Variants in CNRIP1 observed in about 807,000 individuals in gnomAD.
CNRIP1 encodes the protein cannabinoid receptor interacting protein 1.
Under a neutral mutation model 15.2 loss-of-function variants are expected in CNRIP1, and 10 were observed. The observed-to-expected ratio is 0.66, with a 90% CI of 0.41 to 1.12. The LOEUF (loss-of-function observed/expected upper bound fraction) is 1.12, where lower values mean the gene tolerates loss of function less well. CNRIP1 is among the 50% of genes most tolerant of loss of function. The probability of loss-of-function intolerance (pLI) is 0.00; values close to 1 mark genes in which losing one functional copy is unlikely to be tolerated. For synonymous variants in CNRIP1, 91 were observed against 83.2 expected (o/e 1.09, Z -0.51); for missense variants, 211 against 214.7 (o/e 0.98, Z 0.11).
At chr2:68,303,937 G>A (rs544989038) in intron 2 of CNRIP1, among the ~76,000 whole-genome samples, 31 of 152,166 alleles carry the variant, frequency 2.0e-4, no homozygotes, top group African/African-American at 6.7e-4. Context: ...AATTAGCTGG[G>A]TATGGTGGTG....
At chr2:68,298,652 G>C (rs1671478641) in intron 2 of CNRIP1, among the ~76,000 whole-genome samples, 1 of 152,132 alleles carries the variant, frequency 6.6e-6, no homozygotes, top group African/African-American at 2.4e-5. Flanking sequence ...TATTAATGTG[G>C]GACCTAAGGT....
intron 2 of CNRIP1, among the ~76,000 whole-genome samples, chr2:68,311,782 A>AGG (rs1672084358): frequency 2.3e-4 from 34 of 148,054 alleles, no homozygotes; most frequent in Non-Finnish European, 3.4e-4. Flanking sequence ...CTCCGGGGAA[A>AGG]AAAAAAAAAA....
chr2:68,306,446 C>G (rs1352490695), intron 2 of CNRIP1, among the ~76,000 whole-genome samples: 4 of 152,032 alleles, frequency 2.6e-5, no homozygotes, highest in African/African-American at 7.2e-5. Context: ...ATTCCACTAT[C>G]TAATCTCTAA....
Position 68,293,778 on chromosome 2 carries a change from G to A in CNRIP1, c.*84C>T. 6.5e-7 allele frequency: 1 copy of A among 1,546,712 alleles called. No homozygotes were observed. Among genetic ancestry groups the A allele is most frequent in the Non-Finnish European group, 8.7e-7 (1 of 1,143,098 alleles). On this transcript the variant is annotated 3_prime_UTR_variant, in exon 3 of 3. Coordinates refer to ENST00000263655, the MANE Select transcript of CNRIP1 (RefSeq NM_015463.3). ...CCAGATGGGGAACAGCAATGGTGTG[G>A]CATGCCTTGTTTAAGGCCTGCGCTG...
chr2:68,286,623 C>T (rs1671037680), intron 2 of CNRIP1, among the ~76,000 whole-genome samples: 1 of 152,104 alleles, frequency 6.6e-6, no homozygotes, highest in African/African-American at 2.4e-5. Context: ...ATTTCAAATT[C>T]TGCTTCAAGC....
chr2:68,306,519 G>A (rs1671852051), intron 2 of CNRIP1, among the ~76,000 whole-genome samples: 4 of 152,178 alleles, frequency 2.6e-5, no homozygotes, highest in African/African-American at 4.8e-5. Context: ...AGTGGCTCAC[G>A]CCAGTAATCC....
intron 2 of CNRIP1, among the ~76,000 whole-genome samples, chr2:68,305,644 G>A (rs553331396): frequency 1.7e-4 from 26 of 150,950 alleles, no homozygotes; most frequent in South Asian, 4.2e-4. Context: ...AAATACAAAA[G>A]AATTAGCTGG....
chr2:68,319,109 T>A (rs575847100), intron 1 of CNRIP1, 113 bp downstream of exon 1: 1 of 1,141,968 alleles, frequency 8.8e-7, no homozygotes, highest in Admixed American at 3.3e-5. Context: ...CCGGGCCCGC[T>A]GGGAGCGGCG....
rs1671631816 is a variant in CNRIP1, at chr2:68,302,036, CTTTA to C, written c.331-8014_331-8011del. 3.3e-5 allele frequency among the ~76,000 whole-genome samples: 5 copies of C among 151,524 alleles called. No individual in the cohort carries two copies. The South Asian group carries it at 1.0e-3, about 31-fold the overall frequency. On this transcript the variant is annotated intron_variant, in intron 2 of 2. Coordinates refer to ENST00000263655, the MANE Select transcript of CNRIP1 (RefSeq NM_015463.3). Reference sequence around the variant, plus strand: ...AAATATGCCAGCCCTGAACAATTATCTTTATTATTTCACCAATTTTACATGAAAG... The same window carrying C: ...AAATATGCCAGCCCTGAACAATTATCTTATTTCACCAATTTTACATGAAAG...
At position 68,312,037 on chromosome 2, in the gene CNRIP1, G is replaced by T. The variant is rs913556733; in HGVS notation, c.330+5120C>A. On this transcript the variant is annotated intron_variant, in intron 2 of 2. Transcript: ENST00000263655. ...ATAAAGTATAATCTATGCCTTCATTGGTGAATTCTGACATTAAGAAAAATA... is the reference window on the plus strand; with the variant it reads ...ATAAAGTATAATCTATGCCTTCATTTGTGAATTCTGACATTAAGAAAAATA... Among the ~76,000 whole-genome samples, 8 of 152,066 alleles carry T rather than the reference G, an allele frequency of 5.3e-5. No individual in the cohort carries two copies. In the South Asian group the frequency reaches 1.7e-3, roughly 32 times the overall value.
At position 68,293,486 on chromosome 2, in the gene CNRIP1, A is replaced by G. The variant is rs939029577; in HGVS notation, c.*376T>C. On this transcript the variant is annotated 3_prime_UTR_variant, in exon 3 of 3. Transcript: ENST00000263655. ...TATTTTTAAATTTAACATTGAACAAAAAAAAGGAGGAATCACTTAACTTGG... is the reference window on the plus strand; with the variant it reads ...TATTTTTAAATTTAACATTGAACAAGAAAAAGGAGGAATCACTTAACTTGG... 1.3e-5 allele frequency: 13 copies of G among 1,001,850 alleles called. No homozygotes were observed. The highest frequency in any genetic ancestry group is 1.5e-5 in the Non-Finnish European group (13 of 839,362). 62.1% of individuals were successfully genotyped at this position (1,001,850 alleles called of 1,614,324 possible). A position where few individuals can be genotyped will look rare whatever the true frequency, so the allele number is the denominator to read the frequency against.
downstream of CNRIP1, among the ~76,000 whole-genome samples, chr2:68,291,492 C>T (rs1410886888): frequency 6.6e-6 from 1 of 152,028 alleles, no homozygotes; most frequent in East Asian, 1.9e-4. Context: ...GTTTGTGGGA[C>T]ACTGATAACA....
chr2:68,296,834 T>C (rs1373619791), intron 2 of CNRIP1, among the ~76,000 whole-genome samples: 1 of 151,902 alleles, frequency 6.6e-6, no homozygotes, highest in African/African-American at 2.4e-5. Context: ...AGAGACGGGG[T>C]TTCACCATGT....
intron 2 of CNRIP1, among the ~76,000 whole-genome samples, chr2:68,305,258 A>AT (rs1238370306): frequency 7.3e-4 from 31 of 42,734 alleles, no homozygotes; most frequent in African/African-American, 1.9e-3. Context: ...AAAAAAAAAA[A>AT]AATATATATA....
rs559769534 is a variant in CNRIP1, at chr2:68,304,967, G to A, written c.331-10941C>T. On this transcript the variant is annotated intron_variant, in intron 2 of 2. Transcript: ENST00000263655. ...TATTAAAAAATATAGACACTGGGCC[G>A]GGTGCAGCAGCTCACGCCTATAATC... Among the ~76,000 whole-genome samples the A allele has an allele frequency of 4.9e-4, 75 of 152,204 alleles. 3 individuals carry two copies. In the South Asian group the frequency reaches 0.013, roughly 27 times the overall value.
rs1414331256 is a variant in CNRIP1 at position 68,293,633 on chromosome 2, A to C, written c.*229T>G. On this transcript the variant is annotated 3_prime_UTR_variant, in exon 3 of 3. Coordinates refer to ENST00000263655, the MANE Select transcript of CNRIP1 (RefSeq NM_015463.3). ...GAGAACAACTGGATGCAGGAACATC[A>C]GCACAAAATACAGATGGGAATATTC... 6.6e-6 allele frequency: 8 copies of C among 1,215,380 alleles called. No individual in the cohort carries two copies. Among genetic ancestry groups the C allele is most frequent in the Non-Finnish European group, 8.3e-6 (8 of 967,528 alleles). The allele number at this position is 1,215,380 out of a possible 1,614,324, so 75.3% of individuals were successfully genotyped here. A position where few individuals can be genotyped will look rare whatever the true frequency, so the allele number is the denominator to read the frequency against.
Position 68,293,942 on chromosome 2 carries a change from G to A in CNRIP1, c.415C>T (p.Pro139Ser). ...CATTCATACTCAATGACAGAGAAGG[G>A]GCTTCCCCACTGGCAGTGATCCCGC... ...HKRDHCQWGSPFSVIEYECKP... is the reference protein window; with the variant it reads ...HKRDHCQWGSSFSVIEYECKP... Residue 139 changes from proline (P) to serine (S), a missense_variant, in exon 3 of 3, where the codon CCC becomes TCC. Pro to Ser is a moderately conservative substitution (Grantham distance 74). Transcript: ENST00000263655. 1.2e-6 allele frequency: 2 copies of A among 1,613,956 alleles called. No individual in the cohort carries two copies. The highest frequency in any genetic ancestry group is 2.2e-5 in the East Asian group (1 of 44,862).
In CNRIP1 at chr2:68,302,946, C is replaced by T. The variant is rs564217441; in HGVS notation, c.331-8920G>A. Among the ~76,000 whole-genome samples, 7 of 146,760 alleles carry T rather than the reference C, an allele frequency of 4.8e-5. No homozygotes were observed. In the East Asian group the frequency reaches 8.0e-4, roughly 17 times the overall value. Reference sequence around the variant, plus strand: ...ACTGCAGGCTCCGCCCCCCGGGGTTCACGCCATTCTCCTGCCTCAGCCTCC... The same window carrying T: ...ACTGCAGGCTCCGCCCCCCGGGGTTTACGCCATTCTCCTGCCTCAGCCTCC... On this transcript the variant is annotated intron_variant, in intron 2 of 2. Transcript: ENST00000263655.
intron 2 of CNRIP1, among the ~76,000 whole-genome samples, chr2:68,312,664 A>G (rs1363924071): frequency 6.6e-6 from 1 of 152,188 alleles, no homozygotes; most frequent in Non-Finnish European, 1.5e-5. Context: ...AAGAGAAACT[A>G]TTTACAGATG....
Sources: allele counts gnomAD v4.1 joint callset (sites outside exome capture counted in the v4.1 genomes callset), GRCh38; gene constraint gnomAD v4.1.1; transcripts MANE v1.5; gene names NCBI Gene and HGNC (gene_info 2026-07-23, HGNC 2026-07-21).